Variants in LPAR1 observed in about 807,000 individuals in gnomAD.
LPAR1 encodes the protein LPA receptor 1.
LPAR1 carries 5 observed loss-of-function variants against 23.8 expected under a neutral mutation model. The ratio of observed to expected loss-of-function variants is 0.21; its 90% CI spans 0.11 to 0.44. The LOEUF (loss-of-function observed/expected upper bound fraction) is 0.44. Among genes scored for constraint, LPAR1 ranks in the 20% least tolerant of loss-of-function variants. The pLI is 0.99. For missense variants in LPAR1, 311 were observed against 482.8 expected (o/e 0.64, Z 3.33); for synonymous variants, 160 against 164.7 (o/e 0.97, Z 0.22).
intron 4 of LPAR1, among the ~76,000 whole-genome samples, chr9:110,948,835 G>C (rs2095475823): frequency 2.0e-5 from 3 of 151,914 alleles, no homozygotes; most frequent in Admixed American, 2.0e-4. Context: ...GCTTGACTGA[G>C]GCAGTGAGTT....
At chr9:110,972,382 C>T (rs1040354717) in intron 3 of LPAR1, among the ~76,000 whole-genome samples, 162 bp from the exon 4 acceptor site, 3 of 152,140 alleles carry the variant, frequency 2.0e-5, no homozygotes, top group Non-Finnish European at 4.4e-5. Flanking sequence ...CTAAAAGCCA[C>T]GACTTCTGTG....
At chr9:110,919,028 T>C (rs1207434704) in intron 5 of LPAR1, among the ~76,000 whole-genome samples, 3 of 152,170 alleles carry the variant, frequency 2.0e-5, no homozygotes, top group Non-Finnish European at 4.4e-5. Context: ...AGCCATAGAA[T>C]ACAGTTATAG....
At chr9:110,901,212 C>T (rs1000693511) in intron 5 of LPAR1, among the ~76,000 whole-genome samples, 1 of 152,066 alleles carries the variant, frequency 6.6e-6, no homozygotes, top group African/African-American at 2.4e-5. Flanking sequence ...TGACAAGAGG[C>T]GATTAGGAAG....
In LPAR1 at chr9:111,024,544, G is replaced by A. The variant is rs1288651543; in HGVS notation, c.-182+11578C>T. Among the ~76,000 whole-genome samples the A allele has an allele frequency of 5.6e-5, 6 of 108,076 alleles. 1 individual carries two copies. Among genetic ancestry groups the A allele is most frequent in the Admixed American group, 1.0e-4 (1 of 10,044 alleles). The allele number at this position is 108,076 out of a possible 152,430, so 70.9% of individuals were successfully genotyped here. On this transcript the variant is annotated intron_variant, in intron 2 of 5. Coordinates refer to ENST00000683809, the MANE Select transcript of LPAR1 (RefSeq NM_001351411.2). ...TATATATATGGGAGTGTGTGTGTGT[G>A]TATATATATACACACACATATATAT...
chr9:111,025,381 C>T (rs895948958), intron 2 of LPAR1, among the ~76,000 whole-genome samples: 2 of 152,184 alleles, frequency 1.3e-5, no homozygotes, highest in African/African-American at 4.8e-5. Flanking sequence ...CCTTCGCCCA[C>T]GTTTTGATGG....
At chr9:110,924,837 G>A (rs1359826831) in intron 5 of LPAR1, among the ~76,000 whole-genome samples, 1 of 152,104 alleles carries the variant, frequency 6.6e-6, no homozygotes, top group Non-Finnish European at 1.5e-5. Context: ...CAACAAGATA[G>A]TCTCTCTCCT....
At chr9:110,927,188 C>T (rs138979847) in intron 5 of LPAR1, among the ~76,000 whole-genome samples, 194 of 152,132 alleles carry the variant, frequency 1.3e-3, no homozygotes, top group African/African-American at 4.1e-3. Context: ...ATACAGCTAA[C>T]GCCTTTGCAA....
intron 2 of LPAR1, among the ~76,000 whole-genome samples, chr9:111,021,255 T>C (rs549196770): frequency 6.6e-6 from 1 of 152,182 alleles, no homozygotes; most frequent in African/African-American, 2.4e-5. Context: ...ACAGTATATA[T>C]GTATATCACC....
At chr9:110,959,633 A>C (rs939423299) in intron 4 of LPAR1, among the ~76,000 whole-genome samples, 1 of 152,094 alleles carries the variant, frequency 6.6e-6, no homozygotes, top group Admixed American at 6.6e-5. Context: ...ACAAACAAAA[A>C]AATAAACAAA....
chr9:111,014,628 A>G (rs917181435), intron 2 of LPAR1, among the ~76,000 whole-genome samples: 16 of 152,106 alleles, frequency 1.1e-4, no homozygotes, highest in African/African-American at 3.9e-4. Flanking sequence ...AGCCCCCTGC[A>G]CATGGCATGT....
intron 2 of LPAR1, among the ~76,000 whole-genome samples, chr9:110,991,574 TTTGTTTTG>T (rs781353675): frequency 0.078 from 6,490 of 83,180 alleles, 166 homozygotes; most frequent in South Asian, 0.13. Context: ...ATCTTTCTGG[TTTGTTTTG>T]TTGTTGTTGT....
rs564722272 is a variant in LPAR1 at position 111,030,463 on chromosome 9, G to A, written c.-182+5659C>T. On this transcript the variant is annotated intron_variant, in intron 2 of 5. Transcript: ENST00000683809. ...GACTTCCAAGGCGGGGGTCCTCACT[G>A]AATACTCCTACAATGAAACCTGCCT... 9.3e-4 allele frequency among the ~76,000 whole-genome samples: 142 copies of A among 152,260 alleles called. 1 individual carries two copies. The highest frequency in any genetic ancestry group is 3.2e-3 in the African/African-American group (132 of 41,558).
intron 4 of LPAR1, among the ~76,000 whole-genome samples, chr9:110,944,252 T>C (rs190872033): frequency 1.3e-5 from 2 of 152,284 alleles, no homozygotes; most frequent in African/African-American, 2.4e-5. Flanking sequence ...AATTGCTTAA[T>C]TATCTGTTGA....
chr9:111,038,879 G>T (rs1337257380), upstream of LPAR1, among the ~76,000 whole-genome samples: 1 of 151,552 alleles, frequency 6.6e-6, no homozygotes, highest in African/African-American at 2.4e-5. The surrounding 1 kb of genome is among the most constrained non-coding windows in gnomAD (Gnocchi z 4.4). Flanking sequence ...CCCCAGCGCC[G>T]GACAGCTGGC....
At chr9:110,917,923 G>A (rs2093323065) in intron 5 of LPAR1, among the ~76,000 whole-genome samples, 1 of 151,860 alleles carries the variant, frequency 6.6e-6, no homozygotes, top group Non-Finnish European at 1.5e-5. Flanking sequence ...TTTGTTTTGA[G>A]ACTGGGTCTC....
At chr9:111,033,647 G>A (rs2097843047) in intron 2 of LPAR1, among the ~76,000 whole-genome samples, 1 of 152,180 alleles carries the variant, frequency 6.6e-6, no homozygotes, top group African/African-American at 2.4e-5. Context: ...TCCCTCCTGG[G>A]TTCAAGTGAT....
chr9:110,985,681 GAT>G (rs2096766556), intron 2 of LPAR1, among the ~76,000 whole-genome samples: 1 of 152,084 alleles, frequency 6.6e-6, no homozygotes, highest in Non-Finnish European at 1.5e-5. Flanking sequence ...AAGTGGTCCT[GAT>G]GGAGAGGAAT....
chr9:110,956,374 ACT>A (rs1223133542), intron 4 of LPAR1, among the ~76,000 whole-genome samples: 1 of 146,704 alleles, frequency 6.8e-6, no homozygotes, highest in Non-Finnish European at 1.5e-5. Flanking sequence ...GTACCCCAGA[ACT>A]TAAAGTATAA....
chr9:110,878,284 C>A (rs1588098516), intron 5 of LPAR1, among the ~76,000 whole-genome samples: 2 of 152,134 alleles, frequency 1.3e-5, no homozygotes, highest in Admixed American at 6.5e-5. Context: ...CCCTCCCCCT[C>A]CTTTCTATTT....
Sources: gnomAD v4.1 joint callset for allele counts (sites outside exome capture counted in the v4.1 genomes callset) on GRCh38, gnomAD v4.1.1 for gene constraint, Gnocchi (gnomAD v3.1) non-coding constraint, MANE v1.5 for transcripts, NCBI Gene and HGNC (gene_info 2026-07-23, HGNC 2026-07-21) for gene names.